Variants in DDX6 observed in about 807,000 individuals in gnomAD.
The protein encoded by DDX6 is probable ATP-dependent RNA helicase DDX6.
In DDX6, 7 loss-of-function variants were observed where a neutral mutation model predicts 60.6. That is an observed-to-expected ratio of 0.12 (90% CI 0.07 to 0.22). The LOEUF (loss-of-function observed/expected upper bound fraction) is 0.22, where lower values mean the gene tolerates loss of function less well. Among genes scored for constraint, DDX6 ranks in the 10% least tolerant of loss-of-function variants. The pLI, the probability that DDX6 is intolerant of heterozygous loss-of-function variation, is 1.00. For synonymous variants in DDX6, 207 were observed against 201.0 expected (o/e 1.03, Z -0.25); for missense variants, 270 against 589.9 (o/e 0.46, Z 5.62).
chr11:118,789,072 C>CTTTTTT (rs142382451), intron 1 of DDX6: 1 of 91,150 alleles, frequency 1.1e-5, no homozygotes, highest in Non-Finnish European at 2.2e-5. Flanking sequence ...CCCCGTTACA[C>CTTTTTT]TTTTTTTTTT....
upstream of DDX6, chr11:118,791,677 CCT>C (rs1182394489): frequency 1.3e-5 from 2 of 152,080 alleles, no homozygotes; most frequent in African/African-American, 4.8e-5. Context: ...CGCGTCCGAG[CCT>C]CTCGGGGCGC....
rs1860642992 is a variant in DDX6 at position 118,748,679 on chromosome 11, G to C, written c.*3426C>G. 6.6e-6 allele frequency: 1 copy of C among 151,910 alleles called. No homozygotes were observed. The highest frequency in any genetic ancestry group is 2.4e-5 in the African/African-American group (1 of 41,342). The allele number at this position is 151,910 out of a possible 1,614,324, so 9.4% of individuals were successfully genotyped here. ...TCTGATGAGGTTATGAGCTTCCAAA[G>C]TGTTTCTAAATCCTTAGTGCAGACA... On this transcript the variant is annotated 3_prime_UTR_variant, in exon 14 of 14. Transcript: ENST00000534980.
chr11:118,781,884 C>T lies in DDX6; in HGVS notation c.201-700G>A, dbSNP rs139217641. On this transcript the variant is annotated intron_variant, in intron 2 of 13. Coordinates refer to ENST00000534980, the MANE Select transcript of DDX6 (RefSeq NM_004397.6). ...CGGACACTGCAGTGAGCCAAGCTCACGACACTGCACTCCAGCCTGAGTGAC... is the reference window on the plus strand; with the variant it reads ...CGGACACTGCAGTGAGCCAAGCTCATGACACTGCACTCCAGCCTGAGTGAC... Among the ~76,000 whole-genome samples, 1,168 of 151,674 alleles carry T rather than the reference C, an allele frequency of 7.7e-3. 7 individuals carry two copies. The highest frequency in any genetic ancestry group is 0.013 in the Non-Finnish European group (885 of 67,924).
intron 1 of DDX6, chr11:118,790,428 T>G (rs1372034507): frequency 1.3e-5 from 2 of 148,904 alleles, no homozygotes; most frequent in Non-Finnish European, 3.0e-5. Context: ...CCTCCAAGAG[T>G]CGGGGGCTCC....
At chr11:118,764,678 C>T (rs1191515895) in intron 6 of DDX6, among the ~76,000 whole-genome samples, 2 of 151,898 alleles carry the variant, frequency 1.3e-5, no homozygotes, top group African/African-American at 4.8e-5. Flanking sequence ...GTAGCGGGAG[C>T]CTGTAATCCC....
At chr11:118,758,676 G>T in intron 9 of DDX6, 98 bp downstream of exon 9, 1 of 1,434,138 alleles carries the variant, frequency 7.0e-7, no homozygotes, top group Non-Finnish European at 9.4e-7. Context: ...GAAACACTAC[G>T]AACTTTTATA....
chr11:118,774,619 T>C (rs1345165918), intron 4 of DDX6, among the ~76,000 whole-genome samples: 17 of 151,916 alleles, frequency 1.1e-4, no homozygotes, highest in South Asian at 4.2e-4. Context: ...AGTCAGGGTT[T>C]TGTCATGTTG....
chr11:118,785,964 T>A, intron 2 of DDX6, 88 bp downstream of exon 2: 2 of 1,262,694 alleles, frequency 1.6e-6, no homozygotes, highest in Non-Finnish European at 2.2e-6. Context: ...ATGGTTAAAT[T>A]AAGGCATAAG....
intron 4 of DDX6, among the ~76,000 whole-genome samples, chr11:118,773,339 G>A (rs973202502): frequency 1.3e-4 from 20 of 152,168 alleles, no homozygotes; most frequent in African/African-American, 4.1e-4. Context: ...GGAGGCCGAG[G>A]TGGGCAGACC....
upstream of DDX6, chr11:118,791,213 T>G (rs1862267909): frequency 1.3e-5 from 2 of 152,018 alleles, no homozygotes; most frequent in Non-Finnish European, 2.9e-5. Context: ...TCCTCCCTCT[T>G]TCCCTGCCTC....
chr11:118,777,059 T>C (rs1395400755), intron 4 of DDX6, among the ~76,000 whole-genome samples: 4 of 152,016 alleles, frequency 2.6e-5, no homozygotes, highest in Admixed American at 6.6e-5. Context: ...TTCTTCCAGG[T>C]TGTCCCATCT....
At position 118,760,772 on chromosome 11, in the gene DDX6, G is replaced by A. The variant is rs143180125; in HGVS notation, c.742-728C>T. On this transcript the variant is annotated intron_variant, in intron 7 of 13. Coordinates refer to ENST00000534980, the MANE Select transcript of DDX6 (RefSeq NM_004397.6). Reference sequence around the variant, plus strand: ...GGAGGCGGACGCTGCAGTGAGCCAAGATCACACCACTGCACTCCAGCCTAG... The same window carrying A: ...GGAGGCGGACGCTGCAGTGAGCCAAAATCACACCACTGCACTCCAGCCTAG... Among the ~76,000 whole-genome samples the A allele has an allele frequency of 4.3e-3, 596 of 138,966 alleles. 4 individuals are homozygous for A. The highest frequency in any genetic ancestry group is 0.014 in the African/African-American group (534 of 36,976). 91.2% of individuals were successfully genotyped at this position (138,966 alleles called of 152,430 possible). A position where few individuals can be genotyped will look rare whatever the true frequency, so the allele number is the denominator to read the frequency against.
chr11:118,751,949 C>G lies in DDX6; in HGVS notation c.*156G>C, dbSNP rs1555157509. The G allele has an allele frequency of 2.4e-6, 1 of 410,248 alleles. No homozygotes were observed. Among genetic ancestry groups the G allele is most frequent in the Non-Finnish European group, 4.8e-6 (1 of 208,268 alleles). 25.4% of individuals were successfully genotyped at this position (410,248 alleles called of 1,614,324 possible). A position where few individuals can be genotyped will look rare whatever the true frequency, so the allele number is the denominator to read the frequency against. ...TATATTCCTTCTTTTCAGCCTTTTT[C>G]TCTTCACCAGTTAAAAAAAGAAAAT... is the stretch of plus-strand genomic sequence containing the variant. On this transcript the variant is annotated 3_prime_UTR_variant, in exon 14 of 14. Transcript: ENST00000534980.
chr11:118,755,810 T>TC (rs1860947156), intron 11 of DDX6, among the ~76,000 whole-genome samples: 3 of 151,886 alleles, frequency 2.0e-5, no homozygotes, highest in Admixed American at 2.0e-4. Context: ...GGTCAGGAGT[T>TC]CGAGACCAGC....
chr11:118,756,020 C>A lies in DDX6; in HGVS notation c.1174+240G>T, dbSNP rs552176988. On this transcript the variant is annotated intron_variant, in intron 11 of 13. Transcript: ENST00000534980. ...GTGACAAAGATTCCATCCCCCTCCCCCCCCCCCCCAAAAAAAAGACAGAGA... is the reference window on the plus strand; with the variant it reads ...GTGACAAAGATTCCATCCCCCTCCCACCCCCCCCCAAAAAAAAGACAGAGA... Among the ~76,000 whole-genome samples, 63 of 47,786 alleles carry A rather than the reference C, an allele frequency of 1.3e-3. 1 individual carries two copies. Among genetic ancestry groups the A allele is most frequent in the South Asian group, 9.3e-3 (14 of 1,504 alleles). The allele number at this position is 47,786 out of a possible 152,430, so 31.3% of individuals were successfully genotyped here.
At position 118,750,962 on chromosome 11, in the gene DDX6, T is replaced by G. The variant is rs1555157080; in HGVS notation, c.*1143A>C. ...ACGAGGCCAAAGTACTTTCTAGAAT[T>G]TAGTGTTGCGTAAAACTGAGCCCCT... On this transcript the variant is annotated 3_prime_UTR_variant, in exon 14 of 14. Transcript: ENST00000534980. 6.6e-6 allele frequency: 1 copy of G among 151,922 alleles called. No homozygotes were observed. The highest frequency in any genetic ancestry group is 1.5e-5 in the Non-Finnish European group (1 of 67,930). The allele number at this position is 151,922 out of a possible 1,614,324, so 9.4% of individuals were successfully genotyped here. A position where few individuals can be genotyped will look rare whatever the true frequency, so the allele number is the denominator to read the frequency against.
rs782156264 is a variant in DDX6, at chr11:118,749,796, CCT to C, written c.*2307_*2308del. The C allele has an allele frequency of 3.3e-5, 5 of 152,538 alleles. No homozygotes were observed. Among genetic ancestry groups the C allele is most frequent in the African/African-American group, 7.2e-5 (3 of 41,412 alleles). The allele number at this position is 152,538 out of a possible 1,614,324, so 9.4% of individuals were successfully genotyped here. On this transcript the variant is annotated 3_prime_UTR_variant, in exon 14 of 14. Coordinates refer to ENST00000534980, the MANE Select transcript of DDX6 (RefSeq NM_004397.6). ...TCAAAAGTTGACACCTTTTAAATTC[CCT>C]CTCCCACCCCTCCCTGGAAAAAAGT...
intron 5 of DDX6, among the ~76,000 whole-genome samples, chr11:118,766,000 G>A (rs1861341241): frequency 6.6e-6 from 1 of 152,046 alleles, no homozygotes; most frequent in Non-Finnish European, 1.5e-5. Context: ...GAACCCGAGA[G>A]GCAGAGATTG....
chr11:118,753,912 T>C (rs958387580), intron 13 of DDX6, among the ~76,000 whole-genome samples: 1 of 151,822 alleles, frequency 6.6e-6, no homozygotes, highest in East Asian at 1.9e-4. Flanking sequence ...CTGGCCAACA[T>C]GGTGAAACTC....
Sources: gnomAD v4.1 joint callset for allele counts (sites outside exome capture counted in the v4.1 genomes callset) on GRCh38, gnomAD v4.1.1 for gene constraint, MANE v1.5 for transcripts, NCBI Gene and HGNC (gene_info 2026-07-23, HGNC 2026-07-21) for gene names.